Variants in RNF24 observed in about 807,000 individuals in gnomAD.
RNF24 encodes the protein ring finger protein 24.
In RNF24, 14 loss-of-function variants were observed where a neutral mutation model predicts 20.0. The ratio of observed to expected loss-of-function variants is 0.70; its 90% CI spans 0.46 to 1.10. The LOEUF is 1.10. Ranked by LOEUF, RNF24 falls within the 50% of genes least tolerant of loss-of-function variation. RNF24 has a pLI of 0.00. For missense variants in RNF24, 124 were observed against 177.6 expected (o/e 0.70, Z 1.71); for synonymous variants, 45 against 61.1 (o/e 0.74, Z 1.23).
intron 1 of RNF24, among the ~76,000 whole-genome samples, chr20:3,992,141 C>A (rs908493845): frequency 6.6e-6 from 1 of 152,182 alleles, no homozygotes; most frequent in African/African-American, 2.4e-5. Context: ...CACTCAATAA[C>A]AGTTGGCTTT....
At chr20:3,973,524 A>T (rs1045555804) in intron 1 of RNF24, among the ~76,000 whole-genome samples, 2 of 137,034 alleles carry the variant, frequency 1.5e-5, no homozygotes, top group Non-Finnish European at 3.2e-5. Context: ...AAAAAAAAAA[A>T]AGAGAAGACA....
At chr20:3,999,859 T>C (rs1483106727) in intron 1 of RNF24, among the ~76,000 whole-genome samples, 4 of 152,164 alleles carry the variant, frequency 2.6e-5, no homozygotes, top group African/African-American at 4.8e-5. Flanking sequence ...AAAAAGAACA[T>C]GGATGAACCT....
In RNF24 at chr20:3,950,570, A is replaced by G. The variant is rs114273705; in HGVS notation, c.144-2291T>C. On this transcript the variant is annotated intron_variant, in intron 2 of 5. Transcript: ENST00000358395. ...CATTGCTCTTGTTTTAAGTTACCCA[A>G]TTTGTGGCACTTTGTTACAGCAACA... Among the ~76,000 whole-genome samples the G allele has an allele frequency of 1.7e-3, 256 of 152,314 alleles. 1 individual carries two copies. Among genetic ancestry groups the G allele is most frequent in the African/African-American group, 5.8e-3 (241 of 41,560 alleles).
chr20:3,998,483 G>A (rs1981080966), intron 1 of RNF24, among the ~76,000 whole-genome samples: 1 of 148,092 alleles, frequency 6.8e-6, no homozygotes, highest in Non-Finnish European at 1.5e-5. Flanking sequence ...GCTGAGGCTG[G>A]AGAATCACTT....
Position 3,972,984 on chromosome 20 carries a change from C to T in RNF24, c.-7-8960G>A, listed in dbSNP as rs1978501724. Among the ~76,000 whole-genome samples, 4 of 151,694 alleles carry T rather than the reference C, an allele frequency of 2.6e-5. No homozygotes were observed. In the South Asian group the frequency reaches 8.3e-4, roughly 32 times the overall value. Reference sequence around the variant, plus strand: ...TTGGGAGGCCGAGGCGGGTGGATCACATGAGGTTAGGAGTTTGAGACCAGC... The same window carrying T: ...TTGGGAGGCCGAGGCGGGTGGATCATATGAGGTTAGGAGTTTGAGACCAGC... On this transcript the variant is annotated intron_variant, in intron 1 of 5. Transcript: ENST00000358395.
intron 1 of RNF24, among the ~76,000 whole-genome samples, chr20:3,996,968 C>T (rs1420489296): frequency 1.3e-5 from 2 of 152,048 alleles, no homozygotes; most frequent in Non-Finnish European, 2.9e-5. Context: ...CGCCTGTAAT[C>T]CCAGCACTTT....
chr20:4,015,123 G>T (rs911333100), intron 1 of RNF24: 1 of 152,474 alleles, frequency 6.6e-6, no homozygotes, highest in African/African-American at 2.4e-5. Context: ...TGGGCGAGCA[G>T]GACGTGCGGG....
intron 1 of RNF24, among the ~76,000 whole-genome samples, chr20:4,008,153 A>G (rs974276119): frequency 6.7e-6 from 1 of 149,030 alleles, no homozygotes; most frequent in African/African-American, 2.5e-5. Flanking sequence ...TTGGAACACA[A>G]AACAAACACA....
At chr20:3,959,270 C>G (rs1221284090) in intron 2 of RNF24, among the ~76,000 whole-genome samples, 1 of 152,172 alleles carries the variant, frequency 6.6e-6, no homozygotes, top group East Asian at 1.9e-4. Flanking sequence ...ATCTACCCAG[C>G]TGCCTAAGCC....
chr20:3,965,954 C>T (rs1299916103), intron 1 of RNF24, among the ~76,000 whole-genome samples: 3 of 151,654 alleles, frequency 2.0e-5, no homozygotes, highest in Non-Finnish European at 2.9e-5. Flanking sequence ...GCCAACATGG[C>T]GACAATGTGT....
At chr20:3,999,464 A>G (rs2064272115) in intron 1 of RNF24, among the ~76,000 whole-genome samples, 2 of 152,290 alleles carry the variant, frequency 1.3e-5, no homozygotes, top group Admixed American at 6.5e-5. Context: ...TTTGTTTAAA[A>G]AAAGTCACGG....
chr20:3,980,944 T>C (rs1405168238), intron 1 of RNF24, among the ~76,000 whole-genome samples: 1 of 148,988 alleles, frequency 6.7e-6, no homozygotes, highest in East Asian at 2.0e-4. Flanking sequence ...TGCCATGTTG[T>C]TGCACAATTT....
intron 1 of RNF24, among the ~76,000 whole-genome samples, chr20:3,998,221 A>T (rs1981048666): frequency 6.6e-6 from 1 of 151,988 alleles, no homozygotes; most frequent in Non-Finnish European, 1.5e-5. Context: ...CGGGCGGATC[A>T]CAAGGTCAGG....
intron 2 of RNF24, among the ~76,000 whole-genome samples, 171 bp from the exon 3 acceptor site, chr20:3,948,450 T>C (rs914092646): frequency 3.3e-5 from 5 of 152,274 alleles, no homozygotes; most frequent in Admixed American, 6.5e-5. Flanking sequence ...TAACATGCTA[T>C]GTGAAAGTGC....
chr20:3,977,095 C>T (rs1034407491), intron 1 of RNF24, among the ~76,000 whole-genome samples: 1 of 152,002 alleles, frequency 6.6e-6, no homozygotes, highest in Admixed American at 6.6e-5. Context: ...AACTATCTTT[C>T]ATTTGTATAG....
chr20:3,932,633 C>T lies in RNF24; in HGVS notation c.*1430G>A, dbSNP rs952089678. ...CTCCCTCCATCCATTCTCCATGTCACGCAGACTGTATTCCTAATGAAAAAC... is the reference window on the plus strand; with the variant it reads ...CTCCCTCCATCCATTCTCCATGTCATGCAGACTGTATTCCTAATGAAAAAC... On this transcript the variant is annotated 3_prime_UTR_variant, in exon 6 of 6. Coordinates refer to ENST00000358395, the MANE Select transcript of RNF24 (RefSeq NM_001134337.3). 1.3e-5 allele frequency: 4 copies of T among 302,818 alleles called. No individual in the cohort carries two copies. Among genetic ancestry groups the T allele is most frequent in the African/African-American group, 4.3e-5 (2 of 46,670 alleles). 18.8% of individuals were successfully genotyped at this position (302,818 alleles called of 1,614,324 possible). A position where few individuals can be genotyped will look rare whatever the true frequency, so the allele number is the denominator to read the frequency against.
Position 3,976,685 on chromosome 20 carries a change from C to G in RNF24, c.-7-12661G>C, listed in dbSNP as rs182542352. ...TTGAGGTATGCACATCGTCAAATGCCACTCAGCAATAAAAAGAAACAAACT... is the reference window on the plus strand; with the variant it reads ...TTGAGGTATGCACATCGTCAAATGCGACTCAGCAATAAAAAGAAACAAACT... On this transcript the variant is annotated intron_variant, in intron 1 of 5. Coordinates refer to ENST00000358395, the MANE Select transcript of RNF24 (RefSeq NM_001134337.3). Among the ~76,000 whole-genome samples, 267 of 152,236 alleles carry G rather than the reference C, an allele frequency of 1.8e-3. 4 individuals are homozygous for G. Among genetic ancestry groups the G allele is most frequent in the Admixed American group, 0.015 (230 of 15,296 alleles).
intron 1 of RNF24, among the ~76,000 whole-genome samples, chr20:3,991,839 G>C (rs1206397808): frequency 6.6e-6 from 1 of 151,442 alleles, no homozygotes; most frequent in African/African-American, 2.4e-5. Context: ...AATATCTCTC[G>C]AATGACAGTA....
At chr20:3,975,419 TG>T (rs1268016763) in intron 1 of RNF24, among the ~76,000 whole-genome samples, 1 of 152,132 alleles carries the variant, frequency 6.6e-6, no homozygotes, top group Non-Finnish European at 1.5e-5. Context: ...TTCATTGAAA[TG>T]AAATGTTTTT....
Sources: gnomAD v4.1 joint callset for allele counts (sites outside exome capture counted in the v4.1 genomes callset) on GRCh38, gnomAD v4.1.1 for gene constraint, MANE v1.5 for transcripts, NCBI Gene and HGNC (gene_info 2026-07-23, HGNC 2026-07-21) for gene names.